The following SEC16A variants were observed in gnomAD, a reference collection of about 807,000 sequenced individuals.
SEC16A encodes the protein protein transport protein Sec16A.
In SEC16A, 110 loss-of-function variants were observed where a neutral mutation model predicts 221.9. The ratio of observed to expected loss-of-function variants is 0.50; its 90% CI spans 0.42 to 0.58. The LOEUF is 0.58. Among genes scored for constraint, SEC16A ranks in the 20% least tolerant of loss-of-function variants. SEC16A has a pLI of 0.00. For missense variants in SEC16A, 3,165 were observed against 3,097.8 expected (o/e 1.02, Z -0.52); for synonymous variants, 1,393 against 1,257.7 (o/e 1.11, Z -2.28).
chr9:136,457,440 G>A lies in SEC16A; in HGVS notation c.5550+4C>T, dbSNP rs757440776. 1.2e-6 allele frequency: 2 copies of A among 1,600,174 alleles called. No individual in the cohort carries two copies. The highest frequency in any genetic ancestry group is 2.3e-5 in the South Asian group (2 of 88,782). On this transcript the variant is annotated splice_donor_region_variant and intron_variant, in intron 18 of 31. Coordinates refer to ENST00000684901, the MANE Select transcript of SEC16A (RefSeq NM_014866.2). ...ATCCCGAGGACAGGCGCCAGGGGCA[G>A]CACCTGCACAAGCTGGCTGATCAAC...
At chr9:136,445,001 A>C (rs1836760783) in intron 30 of SEC16A, 51 bp downstream of exon 30, 19 of 1,535,868 alleles carry the variant, frequency 1.2e-5, no homozygotes, top group Admixed American at 1.9e-5. Flanking sequence ...TCAGGAACAC[A>C]GGCGGCACAC....
intron 12 of SEC16A, among the ~76,000 whole-genome samples, chr9:136,462,395 C>A (rs1839605430): frequency 6.6e-6 from 1 of 152,204 alleles, no homozygotes; most frequent in South Asian, 2.1e-4. Flanking sequence ...CTGCCCCAGT[C>A]CCCACGCTGC....
chr9:136,481,946 T>C (rs1842422656), intron 1 of SEC16A, among the ~76,000 whole-genome samples: 2 of 152,018 alleles, frequency 1.3e-5, no homozygotes, highest in Non-Finnish European at 1.5e-5. Context: ...CACATTAACA[T>C]TTACCCACTA....
intron 9 of SEC16A, among the ~76,000 whole-genome samples, chr9:136,463,996 T>C (rs1162516847): frequency 6.6e-6 from 1 of 152,156 alleles, no homozygotes; most frequent in Admixed American, 6.5e-5. Flanking sequence ...AGAACCCCAA[T>C]ACATGTGACA....
chr9:136,477,979 G>A (rs557626764), intron 2 of SEC16A, among the ~76,000 whole-genome samples: 21 of 152,222 alleles, frequency 1.4e-4, no homozygotes, highest in African/African-American at 2.9e-4. Context: ...CATTGCTGCC[G>A]CAGACCCGCG....
Position 136,462,984 on chromosome 9 carries a change from T to G in SEC16A, c.4796A>C (p.Gln1599Pro). The G allele has an allele frequency of 6.2e-7, 1 of 1,610,050 alleles. No individual in the cohort carries two copies. Among genetic ancestry groups the G allele is most frequent in the South Asian group, 1.1e-5 (1 of 91,086 alleles). Residue 1599 changes from glutamine to proline, a missense_variant, in exon 12 of 32, where the codon CAG (glutamine) becomes CCG (proline). Transcript: ENST00000684901. ...CGGACCACCAGTGAGGAAAGAGAGC[T>G]GGGCCTCACCAGACTCCTCCTCTTC... ...QVEEEESGEA[Q>P]LSFLTGGPAA... is the part of the protein sequence containing the mutation.
chr9:136,458,335 A>C (rs1042115803), intron 17 of SEC16A, among the ~76,000 whole-genome samples: 1 of 152,124 alleles, frequency 6.6e-6, no homozygotes, highest in African/African-American at 2.4e-5. Flanking sequence ...AAATATTAAA[A>C]ATAGCTCGTA....
chr9:136,475,956 G>C lies in SEC16A; in HGVS notation c.1660C>G (p.Pro554Ala). The C allele has an allele frequency of 6.2e-7, 1 of 1,613,560 alleles. No homozygotes were observed. Among genetic ancestry groups the C allele is most frequent in the Non-Finnish European group, 8.5e-7 (1 of 1,179,892 alleles). The change falls in exon 3 of 32, where the codon CCC (proline) becomes GCC (alanine). Residue 554 changes from proline (P) to alanine (A), a missense_variant. Physicochemically the swap from Pro to Ala is conservative, Grantham distance 27. Around this residue, in one of 3 missense-constraint regions of SEC16A, gnomAD observed 2,030 missense variants for 1,923.1 expected, o/e 1.06. Transcript: ENST00000684901. The surrounding 1 kb of genome is among the most constrained non-coding windows in gnomAD (Gnocchi z 5.0). ...GTFIQQEVGK[P>A]EDEASGSFFK... The stretch of plus-strand genomic sequence containing the variant: ...AAACTACCTGAAGCTTCATCCTCGG[G>C]TTTTCCAACTTCTTGCTGAATGAAT...
rs990404731 is a variant in SEC16A at position 136,473,945 on chromosome 9, C to T, written c.3567+104G>A. On this transcript the variant is annotated intron_variant, in intron 3 of 31. Transcript: ENST00000684901. ...ACGCCTGCGGGACTGTGGGTGACCC[C>T]GGAACCAAGCGAACAAACACTACTA... 3.3e-5 allele frequency: 43 copies of T among 1,312,094 alleles called. 1 individual carries two copies. Among genetic ancestry groups the T allele is most frequent in the Middle Eastern group, 2.8e-4 (1 of 3,618 alleles). The allele number at this position is 1,312,094 out of a possible 1,614,324, so 81.3% of individuals were successfully genotyped here. A position where few individuals can be genotyped will look rare whatever the true frequency, so the allele number is the denominator to read the frequency against.
intron 4 of SEC16A, among the ~76,000 whole-genome samples, chr9:136,470,455 GA>G (rs750664662): frequency 1.2e-4 from 19 of 152,352 alleles, no homozygotes; most frequent in Non-Finnish European, 2.2e-4. Context: ...GGGCCTCTAG[GA>G]AACACCTGTC....
chr9:136,453,829 G>C (rs1212267111), intron 21 of SEC16A, among the ~76,000 whole-genome samples: 1 of 152,208 alleles, frequency 6.6e-6, no homozygotes, highest in African/African-American at 2.4e-5. Flanking sequence ...GCCGTCTAAA[G>C]ACAGACCCCA....
chr9:136,445,012 G>A (rs544123502), intron 30 of SEC16A, 40 bp downstream of exon 30: 142 of 1,566,188 alleles, frequency 9.1e-5, no homozygotes, highest in Non-Finnish European at 1.1e-4. Context: ...GGCGGCACAC[G>A]CCAGCTCTCA....
In SEC16A at chr9:136,471,968, G is replaced by A. The variant is rs1461895140; in HGVS notation, c.3704+7C>T. The A allele has an allele frequency of 1.2e-6, 2 of 1,610,846 alleles. No individual in the cohort carries two copies. The highest frequency in any genetic ancestry group is 2.2e-5 in the South Asian group (2 of 91,060). On this transcript the variant is annotated splice_region_variant and intron_variant, in intron 4 of 31. Transcript: ENST00000684901. ...CAGAGAGGCAGCCAGGGTGGGCGCG[G>A]CCGCACCTGGGAGGTGGCCGTTCCG... is the stretch of plus-strand genomic sequence containing the variant.
chr9:136,475,441 C>G lies in SEC16A; in HGVS notation c.2175G>C (p.Leu725=), dbSNP rs772051371. The G allele has an allele frequency of 7.5e-6, 12 of 1,610,474 alleles. No individual in the cohort carries two copies. The East Asian group carries it at 2.7e-4, about 36-fold the overall frequency. The stretch of plus-strand genomic sequence containing the variant: ...AATCTGGCAGCTCACTTTGCGCCCA[C>G]AGAGTCGTTGCTGGGCTCTCACACT... ...PVKCESPATT[L]WAQSELPDFG... is the part of the protein sequence containing the mutation. The change falls in exon 3 of 32, where the codon CTG becomes CTC. Residue 725 remains leucine, a synonymous_variant. Coordinates refer to ENST00000684901, the MANE Select transcript of SEC16A (RefSeq NM_014866.2). The surrounding 1 kb of genome is among the most constrained non-coding windows in gnomAD (Gnocchi z 5.0).
chr9:136,462,184 A>G (rs558852232), intron 12 of SEC16A, among the ~76,000 whole-genome samples: 1 of 152,340 alleles, frequency 6.6e-6, no homozygotes, highest in Non-Finnish European at 1.5e-5. Flanking sequence ...AAAAGGACAG[A>G]AAACTCTCAG....
intron 23 of SEC16A, 125 bp from the exon 24 acceptor site, chr9:136,448,286 C>T (rs1457455092): frequency 2.6e-6 from 2 of 783,226 alleles, no homozygotes; most frequent in Non-Finnish European, 4.5e-6. Context: ...TCCACAGAGA[C>T]ACCAGGAGAA....
At chr9:136,453,184 A>C (rs1838118356) in intron 22 of SEC16A, among the ~76,000 whole-genome samples, 1 of 152,266 alleles carries the variant, frequency 6.6e-6, no homozygotes, top group South Asian at 2.1e-4. Context: ...TATTTCTTCT[A>C]CTTAAAGTAA....
chr9:136,441,951 C>G (rs1174040922), intron 31 of SEC16A, 128 bp from the exon 32 acceptor site: 1 of 798,362 alleles, frequency 1.3e-6, no homozygotes, highest in East Asian at 2.7e-5. Flanking sequence ...AAGCTGAAGG[C>G]TTCGTTTTTG....
At chr9:136,481,052 G>C (rs960732227) in intron 1 of SEC16A, among the ~76,000 whole-genome samples, 2 of 150,270 alleles carry the variant, frequency 1.3e-5, no homozygotes, top group Non-Finnish European at 3.0e-5. Flanking sequence ...TGATTTTTTT[G>C]ATCTTTTTCT....
Sources: allele counts gnomAD v4.1 joint callset (sites outside exome capture counted in the v4.1 genomes callset), GRCh38; gene constraint gnomAD v4.1.1; regional missense constraint gnomAD v4.1.1; non-coding constraint Gnocchi (gnomAD v3.1); transcripts MANE v1.5; gene names NCBI Gene and HGNC (gene_info 2026-07-23, HGNC 2026-07-21).